The following CNTN5 variants were observed in gnomAD, a reference collection of about 807,000 sequenced individuals.
CNTN5 encodes contactin-5.
A neutral mutation model predicts 129.1 loss-of-function variants in CNTN5; 77 were observed. That is an observed-to-expected ratio of 0.60 (90% CI 0.50 to 0.72). The LOEUF (loss-of-function observed/expected upper bound fraction) is 0.72, where lower values mean the gene tolerates loss of function less well. CNTN5 is among the 30% of genes least tolerant of loss of function. The pLI, the probability that CNTN5 is intolerant of heterozygous loss-of-function variation, is 0.00. For missense variants in CNTN5, 1,478 were observed against 1,328.8 expected (o/e 1.11, Z -1.75); for synonymous variants, 509 against 465.6 (o/e 1.09, Z -1.20).
At chr11:99,168,122 T>C (rs1320999794) in intron 1 of CNTN5, among the ~76,000 whole-genome samples, 1 of 152,088 alleles carries the variant, frequency 6.6e-6, no homozygotes, top group East Asian at 1.9e-4. Context: ...TTTAATATTT[T>C]TTGTAGCGAC....
chr11:99,580,946 C>T (rs865968398), intron 3 of CNTN5, among the ~76,000 whole-genome samples: 94 of 138,372 alleles, frequency 6.8e-4, no homozygotes, highest in Middle Eastern at 3.7e-3. Flanking sequence ...TTAGATCTTT[C>T]CTGCTTTCTC....
At chr11:99,030,046 A>G (rs1474101617) in intron 1 of CNTN5, among the ~76,000 whole-genome samples, 3 of 152,208 alleles carry the variant, frequency 2.0e-5, no homozygotes, top group Non-Finnish European at 4.4e-5. Flanking sequence ...AGAAGAAACC[A>G]CATTCATGGC....
chr11:99,870,501 G>A (rs1191707910), intron 6 of CNTN5, among the ~76,000 whole-genome samples: 1 of 152,028 alleles, frequency 6.6e-6, no homozygotes, highest in East Asian at 1.9e-4. Flanking sequence ...AACTGATATA[G>A]TATTTAAACA....
chr11:100,228,826 T>C (rs1411167103), intron 16 of CNTN5, among the ~76,000 whole-genome samples: 1 of 152,174 alleles, frequency 6.6e-6, no homozygotes, highest in Non-Finnish European at 1.5e-5. Flanking sequence ...TTCACCTGCG[T>C]ACATTCTCAG....
intron 7 of CNTN5, among the ~76,000 whole-genome samples, chr11:99,926,268 A>G (rs1008080094): frequency 1.3e-4 from 20 of 152,308 alleles, no homozygotes; most frequent in African/African-American, 4.8e-4. Flanking sequence ...CAAGGCAACT[A>G]GAAGATGAAT....
intron 13 of CNTN5, among the ~76,000 whole-genome samples, chr11:100,100,630 T>A (rs998996137): frequency 3.9e-5 from 6 of 152,136 alleles, no homozygotes; most frequent in Non-Finnish European, 5.9e-5. Flanking sequence ...GATTGATTAG[T>A]CAAATTGATG....
chr11:100,039,378 C>A (rs1050465403), intron 9 of CNTN5, among the ~76,000 whole-genome samples: 1 of 152,136 alleles, frequency 6.6e-6, no homozygotes, highest in Non-Finnish European at 1.5e-5. Flanking sequence ...GTAACCCGAC[C>A]TTTCTCTCTG....
chr11:99,393,189 C>T (rs1232355306), intron 2 of CNTN5, among the ~76,000 whole-genome samples: 23 of 151,736 alleles, frequency 1.5e-4, no homozygotes, highest in Non-Finnish European at 5.9e-5. Flanking sequence ...GGAAAGTGTA[C>T]TCAGTAGTTA....
intron 10 of CNTN5, among the ~76,000 whole-genome samples, chr11:100,062,635 T>C (rs1343549956): frequency 2.0e-5 from 3 of 152,178 alleles, no homozygotes; most frequent in Admixed American, 1.3e-4. Flanking sequence ...CAGAGTCTAC[T>C]GCATTCTACT....
chr11:99,613,204 C>T, intron 3 of CNTN5, among the ~76,000 whole-genome samples: 1 of 152,196 alleles, frequency 6.6e-6, no homozygotes, highest in South Asian at 2.1e-4. Flanking sequence ...GCCCACGTGT[C>T]AAGAAAGAGA....
chr11:99,279,990 C>T (rs188996854), intron 1 of CNTN5, among the ~76,000 whole-genome samples: 7 of 150,088 alleles, frequency 4.7e-5, no homozygotes, highest in Non-Finnish European at 7.4e-5. Flanking sequence ...TCTTTACAAT[C>T]GACTCAGAAA....
At chr11:99,717,557 T>A (rs1943019444) in intron 3 of CNTN5, among the ~76,000 whole-genome samples, 1 of 152,062 alleles carries the variant, frequency 6.6e-6, no homozygotes, top group African/African-American at 2.4e-5. Context: ...CAGTTTTGAT[T>A]GTTTAAATTT....
At chr11:99,810,644 A>G (rs922452435) in intron 3 of CNTN5, among the ~76,000 whole-genome samples, 2 of 152,280 alleles carry the variant, frequency 1.3e-5, no homozygotes, top group East Asian at 1.9e-4. Context: ...TTATTTGTAA[A>G]TTATTAACCA....
At position 99,029,528 on chromosome 11, in the gene CNTN5, G is replaced by T. The variant is rs191713839; in HGVS notation, c.-210+8258G>T. Among the ~76,000 whole-genome samples, 295 of 152,094 alleles carry T rather than the reference G, an allele frequency of 1.9e-3. 3 individuals are homozygous for T. The highest frequency in any genetic ancestry group is 6.8e-3 in the African/African-American group (284 of 41,516). Reference sequence around the variant, plus strand: ...GTAGAAACACTGGAGGAACAGAAATGGTCATTGTGGTGATGGATTAAACTG... The same window carrying T: ...GTAGAAACACTGGAGGAACAGAAATTGTCATTGTGGTGATGGATTAAACTG... On this transcript the variant is annotated intron_variant, in intron 1 of 24. Coordinates refer to ENST00000524871, the MANE Select transcript of CNTN5 (RefSeq NM_014361.4).
chr11:99,782,016 A>G (rs1416943995), intron 3 of CNTN5, among the ~76,000 whole-genome samples: 1 of 151,124 alleles, frequency 6.6e-6, no homozygotes, highest in Non-Finnish European at 1.5e-5. Flanking sequence ...GTATTCAATT[A>G]GGAAAAGAGG....
chr11:99,438,780 T>C (rs1332659310), intron 2 of CNTN5, among the ~76,000 whole-genome samples: 1 of 152,156 alleles, frequency 6.6e-6, no homozygotes, highest in African/African-American at 2.4e-5. Context: ...TATACATATG[T>C]AAGTTCATAA....
chr11:100,307,479 C>A (rs1026710259), intron 20 of CNTN5, among the ~76,000 whole-genome samples: 60 of 150,726 alleles, frequency 4.0e-4, no homozygotes, highest in African/African-American at 1.2e-3. Flanking sequence ...GAATAAAGTA[C>A]ACCTTTTGAT....
At chr11:99,241,329 T>TTG (rs1861548371) in intron 1 of CNTN5, among the ~76,000 whole-genome samples, 1 of 149,344 alleles carries the variant, frequency 6.7e-6, no homozygotes, top group African/African-American at 2.5e-5. Flanking sequence ...TTTTTTTTTT[T>TTG]TTTTTTTTTT....
intron 16 of CNTN5, among the ~76,000 whole-genome samples, chr11:100,236,759 A>C (rs923954189): frequency 4.6e-5 from 7 of 152,076 alleles, no homozygotes; most frequent in Non-Finnish European, 1.0e-4. Context: ...CTGGCCTTTC[A>C]GAAGGCCTGC....
Sources: allele counts gnomAD v4.1 joint callset (sites outside exome capture counted in the v4.1 genomes callset), GRCh38; gene constraint gnomAD v4.1.1; transcripts MANE v1.5; gene names NCBI Gene and HGNC (gene_info 2026-07-23, HGNC 2026-07-21).